OTUD7A: variants seen among roughly 807,000 people sequenced by gnomAD.
OTUD7A encodes OTU deubiquitinase 7A, also known as OTU domain-containing protein 7A.
OTUD7A carries 12 observed loss-of-function variants against 65.7 expected under a neutral mutation model. The ratio of observed to expected loss-of-function variants is 0.18; its 90% CI spans 0.12 to 0.30. The LOEUF is 0.30. Among genes scored for constraint, OTUD7A ranks in the 10% least tolerant of loss-of-function variants. OTUD7A has a pLI of 1.00. For synonymous variants in OTUD7A, 641 were observed against 586.3 expected (o/e 1.09, Z -1.35); for missense variants, 1,148 against 1,304.8 (o/e 0.88, Z 1.85).
At chr15:31,870,121 C>T (rs1897987265) in intron 1 of OTUD7A, among the ~76,000 whole-genome samples, 2 of 150,010 alleles carry the variant, frequency 1.3e-5, no homozygotes, top group South Asian at 4.1e-4. Flanking sequence ...CGCGCACGGA[C>T]CGAGGGGTCG....
chr15:31,719,081 A>G (rs1893667095), intron 1 of OTUD7A, among the ~76,000 whole-genome samples: 1 of 151,950 alleles, frequency 6.6e-6, no homozygotes, highest in South Asian at 2.1e-4. Flanking sequence ...AAGTTCTGGC[A>G]TTATGTTTTA....
At chr15:31,764,575 T>C (rs1895051829) in intron 1 of OTUD7A, among the ~76,000 whole-genome samples, 1 of 152,168 alleles carries the variant, frequency 6.6e-6, no homozygotes, top group Non-Finnish European at 1.5e-5. Context: ...TCATTTATAC[T>C]TGGCAAGCGT....
rs919325537 is a variant in OTUD7A, at chr15:31,537,255, T to C, written c.551-6447A>G. Among the ~76,000 whole-genome samples the C allele has an allele frequency of 4.6e-5, 7 of 152,230 alleles. No individual in the cohort carries two copies. In the East Asian group the frequency reaches 1.2e-3, roughly 25 times the overall value. The stretch of plus-strand genomic sequence containing the variant: ...GTTCTTTGTTTAAACTGAATCCTTA[T>C]CCACTCTTCAGCGCTTTTTGGTTAA... On this transcript the variant is annotated intron_variant, in intron 5 of 12. Transcript: ENST00000307050.
intron 1 of OTUD7A, among the ~76,000 whole-genome samples, chr15:31,752,230 C>G (rs182601029): frequency 6.6e-6 from 1 of 152,066 alleles, no homozygotes; most frequent in East Asian, 1.9e-4. Context: ...TGAAAACATG[C>G]AATGCTAAAG....
chr15:31,864,313 A>G (rs1897821328), intron 1 of OTUD7A, among the ~76,000 whole-genome samples: 1 of 152,104 alleles, frequency 6.6e-6, no homozygotes, highest in African/African-American at 2.4e-5. Context: ...GCCCCACTCT[A>G]CTGGTACCAA....
chr15:31,814,704 A>C (rs973359947), intron 1 of OTUD7A, among the ~76,000 whole-genome samples: 2 of 151,940 alleles, frequency 1.3e-5, no homozygotes, highest in Admixed American at 6.6e-5. Flanking sequence ...TTGTACTTTT[A>C]GTAGAGATGA....
intron 1 of OTUD7A, among the ~76,000 whole-genome samples, chr15:31,862,516 G>T (rs558785266): frequency 3.7e-4 from 57 of 152,290 alleles, no homozygotes; most frequent in African/African-American, 1.4e-3. Flanking sequence ...GGCGGGAGGT[G>T]AAAGGCACTT....
intron 9 of OTUD7A, among the ~76,000 whole-genome samples, chr15:31,502,724 C>G (rs1322323808): frequency 6.6e-6 from 1 of 152,202 alleles, no homozygotes; most frequent in East Asian, 1.9e-4. Context: ...GTGCTGGGAG[C>G]TCAGTCCTGG....
chr15:31,562,873 A>G (rs1275168248), intron 4 of OTUD7A, among the ~76,000 whole-genome samples: 1 of 152,158 alleles, frequency 6.6e-6, no homozygotes, highest in Non-Finnish European at 1.5e-5. Flanking sequence ...GATTGGGCTC[A>G]CAGGTCTTTT....
intron 10 of OTUD7A, among the ~76,000 whole-genome samples, chr15:31,495,814 C>T (rs1320560540): frequency 6.6e-6 from 1 of 152,090 alleles, no homozygotes; most frequent in Non-Finnish European, 1.5e-5. Context: ...ACCTGTAATC[C>T]CAGTACTTTG....
chr15:31,678,774 A>T (rs541716058), intron 1 of OTUD7A, among the ~76,000 whole-genome samples: 1 of 152,366 alleles, frequency 6.6e-6, no homozygotes, highest in Admixed American at 6.5e-5. Flanking sequence ...CTGCTAGGGC[A>T]GTGCAGAGGG....
intron 1 of OTUD7A, among the ~76,000 whole-genome samples, chr15:31,793,462 T>C (rs1895871915): frequency 1.3e-5 from 2 of 152,222 alleles, no homozygotes; most frequent in African/African-American, 4.8e-5. Flanking sequence ...CCCTCCTCTA[T>C]GGTCCATTGT....
intron 5 of OTUD7A, among the ~76,000 whole-genome samples, chr15:31,541,443 A>T (rs371622484): frequency 6.6e-6 from 1 of 152,156 alleles, no homozygotes; most frequent in Non-Finnish European, 1.5e-5. Flanking sequence ...TTAAAATAAG[A>T]TCTTGTGTGA....
chr15:31,625,156 G>A (rs973788623), intron 3 of OTUD7A, among the ~76,000 whole-genome samples: 3 of 152,170 alleles, frequency 2.0e-5, no homozygotes, highest in African/African-American at 7.2e-5. Flanking sequence ...GTCTCCTGCT[G>A]ACCGCCAGTG....
chr15:31,516,060 G>A (rs894647530), intron 8 of OTUD7A, among the ~76,000 whole-genome samples: 7 of 152,128 alleles, frequency 4.6e-5, no homozygotes, highest in Non-Finnish European at 7.3e-5. Context: ...TCATCTACCC[G>A]TCCTTCAAGT....
At chr15:31,800,573 T>G (rs1896094225) in intron 1 of OTUD7A, among the ~76,000 whole-genome samples, 1 of 152,112 alleles carries the variant, frequency 6.6e-6, no homozygotes, top group South Asian at 2.1e-4. Context: ...GTTACTGTGG[T>G]GGGTGTCCCC....
intron 3 of OTUD7A, among the ~76,000 whole-genome samples, chr15:31,618,025 G>C (rs35547219): frequency 0.18 from 26,674 of 151,302 alleles, 2,502 homozygotes; most frequent in East Asian, 0.25. Flanking sequence ...GAGAACATGC[G>C]GTGTTTGGTT....
chr15:31,678,997 G>T (rs1892654008), intron 1 of OTUD7A, among the ~76,000 whole-genome samples: 1 of 152,260 alleles, frequency 6.6e-6, no homozygotes, highest in Admixed American at 6.5e-5. Flanking sequence ...GGATGGAGCT[G>T]CCCAAGGCTG....
rs1188515446 is a variant in OTUD7A at position 31,669,743 on chromosome 15, T to C, written c.-99-12666A>G. ...CCTGTGGTGTTTTTCCCCCCTCCTC[T>C]GGCTTCCCTCCCAAAGGATCCCTGT... is the stretch of plus-strand genomic sequence containing the variant. On this transcript the variant is annotated intron_variant, in intron 1 of 12. Coordinates refer to ENST00000307050, the MANE Select transcript of OTUD7A (RefSeq NM_001382637.1). Among the ~76,000 whole-genome samples the C allele has an allele frequency of 4.6e-5, 7 of 152,072 alleles. No homozygotes were observed. In the South Asian group the frequency reaches 1.2e-3, roughly 27 times the overall value.
Sources: gnomAD v4.1 joint callset for allele counts (sites outside exome capture counted in the v4.1 genomes callset) on GRCh38, gnomAD v4.1.1 for gene constraint, MANE v1.5 for transcripts, NCBI Gene and HGNC (gene_info 2026-07-23, HGNC 2026-07-21) for gene names.